GALNT10: variants seen among roughly 807,000 people sequenced by gnomAD.
GALNT10 encodes the protein GalNAc transferase 10.
Under a neutral mutation model 75.0 loss-of-function variants are expected in GALNT10, and 41 were observed. The observed-to-expected ratio is 0.55, with a 90% confidence interval of 0.43 to 0.71. GALNT10 has a LOEUF of 0.71. Among genes scored for constraint, GALNT10 ranks in the 30% least tolerant of loss-of-function variants. The pLI is 0.00. For synonymous variants in GALNT10, 302 were observed against 313.0 expected (o/e 0.96, Z 0.37); for missense variants, 727 against 818.5 (o/e 0.89, Z 1.36).
rs2113224788 is a variant in GALNT10 at position 154,412,769 on chromosome 5, G to A, written c.1387-120G>A. ...AACAGCCCAGGGCAAGCTTTATCAA[G>A]ACGATTTGAAGGTTAATCCAGCTAA... On this transcript the variant is annotated intron_variant, in intron 9 of 11. Transcript: ENST00000297107. The surrounding 1 kb of genome is among the most constrained non-coding windows in gnomAD (Gnocchi z 4.2). 1.3e-6 allele frequency: 1 copy of A among 767,084 alleles called. No individual in the cohort carries two copies. The highest frequency in any genetic ancestry group is 2.5e-5 in the East Asian group (1 of 40,718). The allele number at this position is 767,084 out of a possible 1,614,324, so 47.5% of individuals were successfully genotyped here.
chr5:154,210,403 CA>C (rs1402023814), intron 1 of GALNT10, among the ~76,000 whole-genome samples: 1 of 152,112 alleles, frequency 6.6e-6, no homozygotes, highest in East Asian at 1.9e-4. Context: ...CACACACACA[CA>C]CACACACACA....
chr5:154,284,533 CT>C (rs1754085883), intron 1 of GALNT10, among the ~76,000 whole-genome samples: 1 of 151,850 alleles, frequency 6.6e-6, no homozygotes, highest in Non-Finnish European at 1.5e-5. Context: ...TCCTTTTTTT[CT>C]TTTTACCCAT....
At chr5:154,321,937 T>C (rs1189390756) in intron 3 of GALNT10, among the ~76,000 whole-genome samples, 1 of 152,192 alleles carries the variant, frequency 6.6e-6, no homozygotes, top group Non-Finnish European at 1.5e-5. Flanking sequence ...AATCTTCCAC[T>C]TTTTAAATGT....
chr5:154,323,984 C>T (rs1376761331), intron 3 of GALNT10, among the ~76,000 whole-genome samples: 1 of 152,226 alleles, frequency 6.6e-6, no homozygotes, highest in Admixed American at 6.5e-5. Context: ...CTTGCCTGCT[C>T]CCTGGGGCTC....
chr5:154,202,714 C>T (rs546026480), intron 1 of GALNT10, among the ~76,000 whole-genome samples: 29 of 152,354 alleles, frequency 1.9e-4, no homozygotes, highest in African/African-American at 7.0e-4. Flanking sequence ...ACCTTCTTGG[C>T]ACACGAGCAG....
Position 154,200,458 on chromosome 5 carries a change from A to G in GALNT10, c.159+9433A>G, listed in dbSNP as rs192842656. The stretch of plus-strand genomic sequence containing the variant: ...AACATCTGGCAGGGGTGTGTGTGTG[A>G]AAATTACGTCCTGCTGCTAAAGCAC... On this transcript the variant is annotated intron_variant, in intron 1 of 11. Transcript: ENST00000297107. Among the ~76,000 whole-genome samples, 10 of 152,298 alleles carry G rather than the reference A, an allele frequency of 6.6e-5. No homozygotes were observed. The East Asian group carries it at 1.9e-3, about 29-fold the overall frequency.
At chr5:154,248,393 C>T (rs1034308645) in intron 1 of GALNT10, among the ~76,000 whole-genome samples, 1 of 152,174 alleles carries the variant, frequency 6.6e-6, no homozygotes, top group African/African-American at 2.4e-5. Flanking sequence ...ATGGTAACAG[C>T]TCCTCCTTGT....
In GALNT10 at chr5:154,253,774, C is replaced by T. The variant is rs867175764; in HGVS notation, c.160-41042C>T. 2.0e-4 allele frequency among the ~76,000 whole-genome samples: 24 copies of T among 121,730 alleles called. No homozygotes were observed. The South Asian group carries it at 6.4e-3, about 33-fold the overall frequency. 79.9% of individuals were successfully genotyped at this position (121,730 alleles called of 152,430 possible). A position where few individuals can be genotyped will look rare whatever the true frequency, so the allele number is the denominator to read the frequency against. ...CATGGTGGCTTGCTTTCTTAGATTTCCTGGCTGTGTTTCTCTCTCCTACTT... is the reference window on the plus strand; with the variant it reads ...CATGGTGGCTTGCTTTCTTAGATTTTCTGGCTGTGTTTCTCTCTCCTACTT... On this transcript the variant is annotated intron_variant, in intron 1 of 11. Transcript: ENST00000297107.
rs1241763736 is a variant in GALNT10, at chr5:154,190,808, C to G, written c.-59C>G. Reference sequence around the variant, plus strand: ...CCGCCGCCGGGCGGACGGGCGGACGCGCGGAGCTGGGGGCGGCGCGGCGGG... The same window carrying G: ...CCGCCGCCGGGCGGACGGGCGGACGGGCGGAGCTGGGGGCGGCGCGGCGGG... On this transcript the variant is annotated 5_prime_UTR_variant, in exon 1 of 12. Transcript: ENST00000297107. 1.1e-4 allele frequency: 73 copies of G among 643,872 alleles called. No individual in the cohort carries two copies. The highest frequency in any genetic ancestry group is 1.3e-3 in the Middle Eastern group (2 of 1,516). 39.9% of individuals were successfully genotyped at this position (643,872 alleles called of 1,614,324 possible). A position where few individuals can be genotyped will look rare whatever the true frequency, so the allele number is the denominator to read the frequency against.
chr5:154,322,553 G>T (rs895573581), intron 3 of GALNT10, among the ~76,000 whole-genome samples: 2 of 152,082 alleles, frequency 1.3e-5, no homozygotes, highest in Non-Finnish European at 2.9e-5. Flanking sequence ...ATGTTCACAG[G>T]TTCCGGGGAT....
chr5:154,202,267 C>T (rs1338981921), intron 1 of GALNT10, among the ~76,000 whole-genome samples: 1 of 152,296 alleles, frequency 6.6e-6, no homozygotes, highest in Non-Finnish European at 1.5e-5. Flanking sequence ...TCCCTCTGCC[C>T]GCCATTTCAA....
intron 1 of GALNT10, among the ~76,000 whole-genome samples, chr5:154,282,831 ATTAT>A (rs2113056844): frequency 6.6e-6 from 1 of 152,346 alleles, no homozygotes; most frequent in Admixed American, 6.5e-5. Flanking sequence ...TCATTCATTC[ATTAT>A]TCATTCATTC....
At chr5:154,391,614 T>G (rs1008805416) in intron 7 of GALNT10, among the ~76,000 whole-genome samples, 29 of 152,370 alleles carry the variant, frequency 1.9e-4, no homozygotes, top group African/African-American at 5.8e-4. Context: ...CCTTTTCCTC[T>G]TATCCCATTG....
chr5:154,289,323 G>A (rs1754157853), intron 1 of GALNT10, among the ~76,000 whole-genome samples: 1 of 152,180 alleles, frequency 6.6e-6, no homozygotes, highest in African/African-American at 2.4e-5. Context: ...ACCTGCCCAG[G>A]AAGTAAAACC....
chr5:154,337,429 C>T (rs1242387124), intron 4 of GALNT10: 3 of 641,712 alleles, frequency 4.7e-6, no homozygotes, highest in Non-Finnish European at 8.6e-6. Context: ...ACTTCTCTGG[C>T]TATCCTCTCC....
chr5:154,341,913 T>A (rs2113131814), intron 4 of GALNT10, among the ~76,000 whole-genome samples: 1 of 152,256 alleles, frequency 6.6e-6, no homozygotes, highest in South Asian at 2.1e-4. Context: ...CCCCGTCCTT[T>A]CCCCATCCCA....
chr5:154,237,749 G>T (rs1049069533), intron 1 of GALNT10, among the ~76,000 whole-genome samples: 9 of 152,276 alleles, frequency 5.9e-5, no homozygotes, highest in African/African-American at 2.2e-4. Flanking sequence ...GTAGATGGGG[G>T]TTATGGGTTT....
intron 1 of GALNT10, among the ~76,000 whole-genome samples, chr5:154,283,953 T>G (rs1490505058): frequency 6.6e-6 from 1 of 152,190 alleles, no homozygotes. Flanking sequence ...AGAAAGATTC[T>G]CAAAGTCTGG....
intron 1 of GALNT10, among the ~76,000 whole-genome samples, chr5:154,260,633 G>A (rs567461878): frequency 8.7e-4 from 133 of 152,262 alleles, no homozygotes; most frequent in South Asian, 5.0e-3. Context: ...CACTCTAGTT[G>A]CAGGGAATTC....
Sources: gnomAD v4.1 joint callset for allele counts (sites outside exome capture counted in the v4.1 genomes callset) on GRCh38, gnomAD v4.1.1 for gene constraint, Gnocchi (gnomAD v3.1) non-coding constraint, MANE v1.5 for transcripts, NCBI Gene and HGNC (gene_info 2026-07-23, HGNC 2026-07-21) for gene names.